The following CEP131 variants were observed in gnomAD, a reference collection of about 807,000 sequenced individuals.
The protein encoded by CEP131 is centrosomal protein of 131 kDa.
A neutral mutation model predicts 136.8 loss-of-function variants in CEP131; 99 were observed. The observed-to-expected ratio is 0.72, with a 90% confidence interval of 0.62 to 0.86. The LOEUF is 0.86. Among genes scored for constraint, CEP131 ranks in the 40% least tolerant of loss-of-function variants. The pLI is 0.00. For missense variants in CEP131, 1,459 were observed against 1,463.0 expected (o/e 1.00, Z 0.04); for synonymous variants, 646 against 612.7 (o/e 1.05, Z -0.80).
intron 7 of CEP131, among the ~76,000 whole-genome samples, chr17:81,201,565 T>A (rs908320993): frequency 6.6e-6 from 1 of 152,204 alleles, no homozygotes; most frequent in Admixed American, 6.5e-5. Context: ...TAATTAACAG[T>A]TTTACTGAGG....
At chr17:81,206,926 C>T in intron 4 of CEP131, 55 bp from the exon 5 acceptor site, 1 of 1,576,486 alleles carries the variant, frequency 6.3e-7, no homozygotes, top group African/African-American at 1.4e-5. Context: ...CACCCCATCC[C>T]TTCCCTGCCT....
At chr17:81,213,270 A>T (rs1430816609) in intron 2 of CEP131, among the ~76,000 whole-genome samples, 1 of 152,220 alleles carries the variant, frequency 6.6e-6, no homozygotes. Flanking sequence ...GAAAAAATTA[A>T]TAAGTGGGGC....
intron 2 of CEP131, among the ~76,000 whole-genome samples, chr17:81,209,251 C>T (rs1387366889): frequency 6.6e-6 from 1 of 152,118 alleles, no homozygotes; most frequent in African/African-American, 2.4e-5. Flanking sequence ...TCCCCGTCCC[C>T]GCATCAAGCA....
chr17:81,198,604 C>T (rs570115742), intron 11 of CEP131, among the ~76,000 whole-genome samples: 5 of 152,306 alleles, frequency 3.3e-5, no homozygotes, highest in African/African-American at 1.2e-4. Context: ...CCCTCAGAGC[C>T]GGAAGCTCCT....
chr17:81,207,173 G>T lies in CEP131; in HGVS notation c.339C>A (p.Ala113=), dbSNP rs565133821. Residue 113 remains alanine, a synonymous_variant, in exon 4 of 26, where the codon GCC becomes GCA. Transcript: ENST00000450824. ...TCTCGCTGGGGGCTGTGCTCAGGCT[G>T]GCAGGCCTCTTTTTCCCACTGGGGC... ...EGSPSGKKRP[A]SLSTAPSEKG... The T allele has an allele frequency of 6.2e-7, 1 of 1,613,686 alleles. No individual in the cohort carries two copies. Among genetic ancestry groups the T allele is most frequent in the Admixed American group, 1.7e-5 (1 of 59,930 alleles).
Position 81,193,803 on chromosome 17 carries a change from C to T in CEP131, c.2321+123G>A, listed in dbSNP as rs1036352604. 7 of 1,120,210 alleles carry T rather than the reference C, an allele frequency of 6.2e-6. No individual in the cohort carries two copies. The Admixed American group carries it at 8.8e-5, about 14-fold the overall frequency. The allele number at this position is 1,120,210 out of a possible 1,614,324, so 69.4% of individuals were successfully genotyped here. A position where few individuals can be genotyped will look rare whatever the true frequency, so the allele number is the denominator to read the frequency against. On this transcript the variant is annotated intron_variant, in intron 18 of 25. Transcript: ENST00000450824. Reference sequence around the variant, plus strand: ...CACTCCAGGGCCAAGGGCCCTGCGTCCTCCCTGCATGCTGCACTAAGACCC... The same window carrying T: ...CACTCCAGGGCCAAGGGCCCTGCGTTCTCCCTGCATGCTGCACTAAGACCC...
rs911291767 is a variant in CEP131 at position 81,203,238 on chromosome 17, G to A, written c.629+256C>T. 3.3e-5 allele frequency among the ~76,000 whole-genome samples: 5 copies of A among 152,168 alleles called. No homozygotes were observed. Among genetic ancestry groups the A allele is most frequent in the Admixed American group, 1.3e-4 (2 of 15,292 alleles). On this transcript the variant is annotated intron_variant, in intron 6 of 25. Transcript: ENST00000450824. The surrounding 1 kb of genome is among the most constrained non-coding windows in gnomAD (Gnocchi z 4.6). ...TGTTTTCTCTCTGTGGGAAGCTGCC[G>A]ACCCAAGAACAGAAGAGGGCGGCGG...
intron 13 of CEP131, 135 bp downstream of exon 13, chr17:81,197,577 G>A (rs1348192864): frequency 7.7e-7 from 1 of 1,299,552 alleles, no homozygotes. Context: ...GGGCCGGGTG[G>A]GGGCTGGCGA....
At position 81,193,926 on chromosome 17, in the gene CEP131, C is replaced by CGCT. The variant is rs977230490; in HGVS notation, c.2318_2320dup (p.Gln773dup). 14 of 1,533,600 alleles carry CGCT rather than the reference C, an allele frequency of 9.1e-6. No homozygotes were observed. In the African/African-American group the frequency reaches 9.7e-5, roughly 11 times the overall value. 95.0% of individuals were successfully genotyped at this position (1,533,600 alleles called of 1,614,324 possible). ...CCACCGGCCTGGGGCCACCACCCAC[C>CGCT]GCTGCCGAGCACGTTCGCGCTCCTG... On this transcript the variant is annotated inframe_insertion and splice_region_variant, in exon 18 of 26. Transcript: ENST00000450824.
At chr17:81,191,116 G>A (rs1335384406) in intron 22 of CEP131, 32 bp from the exon 23 acceptor site, 6 of 1,602,868 alleles carry the variant, frequency 3.7e-6, no homozygotes, top group Non-Finnish European at 4.3e-6. Flanking sequence ...GGTCACTCCA[G>A]CCCAGTCACA....
At chr17:81,198,605 G>A (rs1238113591) in intron 11 of CEP131, among the ~76,000 whole-genome samples, 3 of 152,164 alleles carry the variant, frequency 2.0e-5, no homozygotes, top group Non-Finnish European at 2.9e-5. Flanking sequence ...CCTCAGAGCC[G>A]GAAGCTCCTC....
At position 81,208,899 on chromosome 17, in the gene CEP131, C is replaced by T. The variant is rs1246684222; in HGVS notation, c.272+29G>A. The T allele has an allele frequency of 6.3e-7, 1 of 1,586,244 alleles. No homozygotes were observed. Among genetic ancestry groups the T allele is most frequent in the South Asian group, 1.1e-5 (1 of 90,368 alleles). ...GGCACCTGAGGTCCCGGGAAGGGGC[C>T]AGGGTTATCCAAGGGCCTTAGGGGT... On this transcript the variant is annotated intron_variant, in intron 3 of 25. Transcript: ENST00000450824. This position sits in a 1 kb window ranked among gnomAD's most constrained non-coding sequence, Gnocchi z 5.6.
Position 81,195,927 on chromosome 17 carries a change from T to C in CEP131, c.1924A>G (p.Ser642Gly), listed in dbSNP as rs143331394. ...GCCACCACAGCCTCGCACTTTTCACTCAGGACCTTCTTGTCCTCAATCAGC... is the reference window on the plus strand; with the variant it reads ...GCCACCACAGCCTCGCACTTTTCACCCAGGACCTTCTTGTCCTCAATCAGC... ...DQLIEDKKVLSEKCEAVVAEL... is the reference protein window; with the variant it reads ...DQLIEDKKVLGEKCEAVVAEL... Residue 642 changes from serine (S) to glycine (G), a missense_variant, in exon 16 of 26, where the codon AGT becomes GGT. Around this residue, in one of 3 missense-constraint regions of CEP131, gnomAD observed 1,026 missense variants for 964.2 expected, o/e 1.06. Coordinates refer to ENST00000450824, the MANE Select transcript of CEP131 (RefSeq NM_014984.4). The C allele has an allele frequency of 8.9e-4, 1,439 of 1,610,022 alleles. 20 individuals are homozygous for C. The highest frequency in any genetic ancestry group is 4.6e-3 in the Middle Eastern group (28 of 6,058).
rs150527009 is a variant in CEP131, at chr17:81,196,802, G to C, written c.1798C>G (p.Arg600Gly). ...ALAQQRDLTARRVKETEKALS... is the reference protein window; with the variant it reads ...ALAQQRDLTAGRVKETEKALS... Reference sequence around the variant, plus strand: ...GCCTTCTCTGTCTCCTTGACCCGCCGGGCCGTGAGGTCTCGCTGCTGCGCC... The same window carrying C: ...GCCTTCTCTGTCTCCTTGACCCGCCCGGCCGTGAGGTCTCGCTGCTGCGCC... The change falls in exon 15 of 26, where the codon CGG (arginine) becomes GGG (glycine). Residue 600 changes from arginine (R) to glycine (G), a missense_variant. Physicochemically the swap from Arg to Gly is moderately radical, Grantham distance 125 (BLOSUM62 -2). Around this residue, in one of 3 missense-constraint regions of CEP131, gnomAD observed 1,026 missense variants for 964.2 expected, o/e 1.06. Transcript: ENST00000450824. 1 of 1,591,788 alleles carries C rather than the reference G, an allele frequency of 6.3e-7. No individual in the cohort carries two copies. Among genetic ancestry groups the C allele is most frequent in the Admixed American group, 1.8e-5 (1 of 56,536 alleles).
intron 19 of CEP131, 60 bp from the exon 20 acceptor site, chr17:81,192,653 G>T: frequency 7.0e-7 from 1 of 1,419,078 alleles, no homozygotes; most frequent in South Asian, 1.2e-5. Context: ...AGGGATGGGA[G>T]AGGTCAGCGG....
intron 13 of CEP131, chr17:81,197,322 A>G: frequency 3.6e-6 from 2 of 561,882 alleles, no homozygotes; most frequent in Non-Finnish European, 6.2e-6. Flanking sequence ...CTGTGACAAT[A>G]AAGTTCACGT....
rs755142013 is a variant in CEP131, at chr17:81,199,441, G to T, written c.1132C>A (p.Gln378Lys). ...CCGCCTGGTGTGGGGGACAGCTCCT[G>T]AGCAGGCTGCCGCATTCCTGGCACT... ...TRVPGMRQPA[Q>K]ELSPTPGGTA... The change falls in exon 10 of 26, where the codon CAG becomes AAG. Residue 378 changes from glutamine to lysine, a missense_variant. Transcript: ENST00000450824. 3.1e-5 allele frequency: 50 copies of T among 1,607,774 alleles called. No individual in the cohort carries two copies. The highest frequency in any genetic ancestry group is 1.7e-4 in the Middle Eastern group (1 of 6,018).
rs375208941 is a variant in CEP131 at position 81,199,829 on chromosome 17, G to A, written c.913C>T (p.Arg305Trp). The A allele has an allele frequency of 3.0e-5, 49 of 1,610,672 alleles. No individual in the cohort carries two copies. Among genetic ancestry groups the A allele is most frequent in the Middle Eastern group, 3.3e-4 (2 of 6,022 alleles). Reference sequence around the variant, plus strand: ...AGGGTCCCCTCGCCTGACCGCTGCCGCTGCTCCTGCCAAAGAAGCCGGTGC... The same window carrying A: ...AGGGTCCCCTCGCCTGACCGCTGCCACTGCTCCTGCCAAAGAAGCCGGTGC... ...HLLQAKREEQ[R>W]QRSGEGTLLD... The change falls in exon 9 of 26, where the codon CGG becomes TGG. Residue 305 changes from arginine (R) to tryptophan (W), a missense_variant. Arg to Trp is a moderately radical substitution (Grantham distance 101). Coordinates refer to ENST00000450824, the MANE Select transcript of CEP131 (RefSeq NM_014984.4).
At chr17:81,217,625 G>A (rs1171692790) in intron 2 of CEP131, among the ~76,000 whole-genome samples, 1 of 152,118 alleles carries the variant, frequency 6.6e-6, no homozygotes, top group Admixed American at 6.6e-5. Flanking sequence ...TCCCACCATG[G>A]GCACAACAGA....
Sources: allele counts gnomAD v4.1 joint callset (sites outside exome capture counted in the v4.1 genomes callset), GRCh38; gene constraint gnomAD v4.1.1; regional missense constraint gnomAD v4.1.1; non-coding constraint Gnocchi (gnomAD v3.1); transcripts MANE v1.5; gene names NCBI Gene and HGNC (gene_info 2026-07-23, HGNC 2026-07-21).